The following CRIM1 variants were observed in gnomAD, a reference collection of about 807,000 sequenced individuals.
CRIM1 encodes cysteine-rich motor neuron 1 protein.
In CRIM1, 32 loss-of-function variants were observed where a neutral mutation model predicts 116.4. That is an observed-to-expected ratio of 0.27 (90% CI 0.21 to 0.37). The LOEUF (loss-of-function observed/expected upper bound fraction) is 0.37, where lower values mean the gene tolerates loss of function less well. Ranked by LOEUF, CRIM1 falls within the 10% of genes least tolerant of loss-of-function variation. The pLI, the probability that CRIM1 is intolerant of heterozygous loss-of-function variation, is 1.00. For missense variants in CRIM1, 1,331 were observed against 1,354.8 expected, an observed-to-expected ratio of 0.98 and a Z score of 0.28; for synonymous variants, 590 against 509.2, an observed-to-expected ratio of 1.16 and a Z score of -2.13.
intron 2 of CRIM1, among the ~76,000 whole-genome samples, chr2:36,414,985 G>A (rs1032507379): frequency 1.3e-5 from 2 of 152,212 alleles, no homozygotes; most frequent in African/African-American, 4.8e-5. Flanking sequence ...ATTGTAGCGG[G>A]AAGCTAGAGT....
At chr2:36,467,881 A>G (rs1395143809) in intron 5 of CRIM1, among the ~76,000 whole-genome samples, 2 of 152,248 alleles carry the variant, frequency 1.3e-5, no homozygotes, top group East Asian at 1.9e-4. Flanking sequence ...GAGATTTTTC[A>G]TATGGAAAGG....
intron 2 of CRIM1, among the ~76,000 whole-genome samples, chr2:36,429,739 A>G (rs1407055242): frequency 6.6e-6 from 1 of 152,202 alleles, no homozygotes; most frequent in African/African-American, 2.4e-5. Flanking sequence ...TGAATTTGTT[A>G]GAAGCACACA....
chr2:36,449,235 C>T (rs746867044), intron 4 of CRIM1, among the ~76,000 whole-genome samples: 1 of 152,154 alleles, frequency 6.6e-6, no homozygotes, highest in Admixed American at 6.5e-5. Context: ...GGCTGTATCA[C>T]TCTCCTGTTT....
chr2:36,500,194 G>T (rs568943838), intron 8 of CRIM1, among the ~76,000 whole-genome samples: 6 of 152,142 alleles, frequency 3.9e-5, no homozygotes, highest in African/African-American at 1.2e-4. Flanking sequence ...AGCTAAGCAT[G>T]GTGGTATGCG....
intron 4 of CRIM1, among the ~76,000 whole-genome samples, chr2:36,455,491 G>T (rs183700410): frequency 6.6e-6 from 1 of 152,168 alleles, no homozygotes; most frequent in African/African-American, 2.4e-5. Context: ...TAGTTCCTAA[G>T]CGGCCAGAAC....
rs1205372272 is a variant in CRIM1, at chr2:36,501,894, C to T, written c.1501+2547C>T. 3.9e-5 allele frequency among the ~76,000 whole-genome samples: 6 copies of T among 152,178 alleles called. No individual in the cohort carries two copies. The South Asian group carries it at 1.2e-3, about 32-fold the overall frequency. ...ATACCTCCCTTTAGAAAGCCAAGTT[C>T]ACTAGAGTTGCCTTGGCAGCCCAAG... is the stretch of plus-strand genomic sequence containing the variant. On this transcript the variant is annotated intron_variant, in intron 8 of 16. Coordinates refer to ENST00000280527, the MANE Select transcript of CRIM1 (RefSeq NM_016441.3).
chr2:36,356,258 C>T lies in CRIM1; in HGVS notation c.-35C>T, dbSNP rs767819571. ...GAGGGCGCCCGCCCCGCTCCCGGCC[C>T]GGCTGCGAGGAGGAGGCGGCGGCGG... On this transcript the variant is annotated 5_prime_UTR_variant, in exon 1 of 17. Coordinates refer to ENST00000280527, the MANE Select transcript of CRIM1 (RefSeq NM_016441.3). This position sits in a 1 kb window ranked among gnomAD's most constrained non-coding sequence, Gnocchi z 4.3. 3 of 1,282,362 alleles carry T rather than the reference C, an allele frequency of 2.3e-6. No homozygotes were observed. Among genetic ancestry groups the T allele is most frequent in the Non-Finnish European group, 3.1e-6 (3 of 976,684 alleles). The allele number at this position is 1,282,362 out of a possible 1,614,324, so 79.4% of individuals were successfully genotyped here.
intron 15 of CRIM1, among the ~76,000 whole-genome samples, chr2:36,545,800 GCTTT>G (rs751640583): frequency 2.0e-5 from 3 of 151,952 alleles, no homozygotes; most frequent in Non-Finnish European, 4.4e-5. Context: ...TCCTAAAACT[GCTTT>G]CTATTTGATT....
At chr2:36,505,587 A>G (rs1681336059) in intron 8 of CRIM1, among the ~76,000 whole-genome samples, 1 of 56,258 alleles carries the variant, frequency 1.8e-5, no homozygotes, top group African/African-American at 7.0e-5. Context: ...AACCAGTTTT[A>G]CCAGAGGCTA....
At chr2:36,543,126 T>C (rs572083930) in intron 14 of CRIM1, among the ~76,000 whole-genome samples, 1 of 152,312 alleles carries the variant, frequency 6.6e-6, no homozygotes, top group East Asian at 1.9e-4. Context: ...AAGACTATTC[T>C]TGGAGGCAAC....
At chr2:36,460,750 A>G (rs1453575805) in intron 4 of CRIM1, among the ~76,000 whole-genome samples, 1 of 152,210 alleles carries the variant, frequency 6.6e-6, no homozygotes, top group East Asian at 1.9e-4. Context: ...AGAAACATTT[A>G]TATGACTAGA....
chr2:36,456,063 T>C (rs932971151), intron 4 of CRIM1, among the ~76,000 whole-genome samples: 1 of 151,906 alleles, frequency 6.6e-6, no homozygotes, highest in Admixed American at 6.6e-5. Flanking sequence ...CCTGAAGGAG[T>C]GTTAGCAGCC....
At chr2:36,499,548 C>G (rs1553324831) in intron 8 of CRIM1, 1 of 539,172 alleles carries the variant, frequency 1.9e-6, no homozygotes, top group Non-Finnish European at 3.2e-6. Flanking sequence ...GTGTTTTTTT[C>G]TCTGTTTCCT....
At chr2:36,430,427 G>A (rs1325578810) in intron 2 of CRIM1, among the ~76,000 whole-genome samples, 1 of 152,138 alleles carries the variant, frequency 6.6e-6, no homozygotes, top group African/African-American at 2.4e-5. Context: ...TATCATTTCT[G>A]GGAAAAAAAT....
intron 1 of CRIM1, among the ~76,000 whole-genome samples, chr2:36,368,308 G>A (rs1669728840): frequency 6.6e-6 from 1 of 152,196 alleles, no homozygotes; most frequent in African/African-American, 2.4e-5. Context: ...GTGTACAGCT[G>A]AGCCACTGAC....
intron 2 of CRIM1, among the ~76,000 whole-genome samples, chr2:36,422,644 T>TA (rs1263479082): frequency 6.6e-6 from 1 of 152,230 alleles, no homozygotes; most frequent in Non-Finnish European, 1.5e-5. Context: ...TCCTTAATGA[T>TA]ACGATTCTTG....
At chr2:36,529,603 T>A (rs923646068) in intron 13 of CRIM1, 1 of 166,914 alleles carries the variant, frequency 6.0e-6, no homozygotes, top group Non-Finnish European at 1.3e-5. Flanking sequence ...ATAAAATGTT[T>A]CCTTCAACAA....
chr2:36,517,281 A>G, intron 11 of CRIM1, 46 bp from the exon 12 acceptor site: 1 of 1,510,528 alleles, frequency 6.6e-7, no homozygotes, highest in Non-Finnish European at 9.2e-7. Context: ...AAGAGTTGGA[A>G]AGATTGCAGA....
intron 13 of CRIM1, among the ~76,000 whole-genome samples, chr2:36,533,355 A>G (rs1326972089): frequency 7.3e-5 from 11 of 151,084 alleles, no homozygotes; most frequent in Non-Finnish European, 5.9e-5. Context: ...TTGGGAGACT[A>G]AGGCAGGTAG....
Sources: gnomAD v4.1 joint callset for allele counts (sites outside exome capture counted in the v4.1 genomes callset) on GRCh38, gnomAD v4.1.1 for gene constraint, Gnocchi (gnomAD v3.1) non-coding constraint, MANE v1.5 for transcripts, NCBI Gene and HGNC (gene_info 2026-07-23, HGNC 2026-07-21) for gene names.